The following IL17RD variants were observed in gnomAD, a reference collection of about 807,000 sequenced individuals.
IL17RD encodes interleukin-17 receptor D.
A neutral mutation model predicts 80.5 loss-of-function variants in IL17RD; 52 were observed. That is an observed-to-expected ratio of 0.65 (90% CI 0.52 to 0.81). The LOEUF is 0.81. Ranked by LOEUF, IL17RD falls within the 40% of genes least tolerant of loss-of-function variation. The probability of loss-of-function intolerance (pLI) is 0.00; values close to 1 mark genes in which losing one functional copy is unlikely to be tolerated. For missense variants in IL17RD, 1,024 were observed against 955.1 expected (o/e 1.07, Z -0.95); for synonymous variants, 416 against 391.8 (o/e 1.06, Z -0.73).
chr3:57,160,114 G>A (rs1390954360), intron 1 of IL17RD, among the ~76,000 whole-genome samples: 1 of 152,158 alleles, frequency 6.6e-6, no homozygotes, highest in Non-Finnish European at 1.5e-5. Context: ...GGAGATTGCA[G>A]TGAGCTGAGA....
chr3:57,127,220 A>G (rs1484961901), intron 1 of IL17RD, among the ~76,000 whole-genome samples: 2 of 121,336 alleles, frequency 1.6e-5, no homozygotes, highest in African/African-American at 3.8e-5. Context: ...AAATATATAT[A>G]AATATATATA....
intron 12 of IL17RD, among the ~76,000 whole-genome samples, chr3:57,096,972 T>G (rs1706692189): frequency 6.7e-6 from 1 of 149,462 alleles, no homozygotes; most frequent in Non-Finnish European, 1.5e-5. Context: ...ATCATGCCAT[T>G]GCAGCCTGGG....
intron 1 of IL17RD, among the ~76,000 whole-genome samples, chr3:57,132,014 A>G (rs1451278231): frequency 6.6e-6 from 1 of 152,108 alleles, no homozygotes; most frequent in Non-Finnish European, 1.5e-5. Context: ...GGTGAAACCC[A>G]TTCTACAAAA....
intron 5 of IL17RD, among the ~76,000 whole-genome samples, chr3:57,107,483 T>C (rs996510238): frequency 2.6e-5 from 4 of 151,082 alleles, no homozygotes; most frequent in Non-Finnish European, 5.9e-5. Context: ...TAGGCTGGAG[T>C]TGTGAACAGA....
chr3:57,097,803 G>C lies in IL17RD; in HGVS notation c.1900C>G (p.Arg634Gly). Residue 634 changes from arginine to glycine, a missense_variant, in exon 12 of 13, where the codon CGG (arginine) becomes GGG (glycine). Arg to Gly is a moderately radical substitution (Grantham distance 125). Transcript: ENST00000296318. ...GCGGCGCTACCGTCAAGGGCAGGCC[G>C]GGCCTCCCCGTCTTGGTCCAGGCCC... ...HGGLDQDGEA[R>G]PALDGSAALQ... is the part of the protein sequence containing the mutation. The C allele has an allele frequency of 6.2e-7, 1 of 1,606,100 alleles. No homozygotes were observed. Among genetic ancestry groups the C allele is most frequent in the Non-Finnish European group, 8.5e-7 (1 of 1,176,292 alleles).
chr3:57,101,905 A>C (rs1706839148), intron 10 of IL17RD, among the ~76,000 whole-genome samples: 1 of 152,158 alleles, frequency 6.6e-6, no homozygotes, highest in Non-Finnish European at 1.5e-5. Flanking sequence ...AGCCCTACCT[A>C]TATCCTTACT....
chr3:57,151,702 G>C (rs1016573433), intron 1 of IL17RD, among the ~76,000 whole-genome samples: 17 of 152,070 alleles, frequency 1.1e-4, no homozygotes, highest in African/African-American at 3.9e-4. Context: ...AAGATGTTTA[G>C]CAACATCCCT....
chr3:57,161,723 G>A (rs1342209882), intron 1 of IL17RD, among the ~76,000 whole-genome samples: 1 of 152,224 alleles, frequency 6.6e-6, no homozygotes, highest in Non-Finnish European at 1.5e-5. Context: ...AGCAAGACAA[G>A]GGGAGGGAGA....
At position 57,132,353 on chromosome 3, in the gene IL17RD, G is replaced by A. The variant is rs533668895; in HGVS notation, c.127-12040C>T. 9.9e-5 allele frequency among the ~76,000 whole-genome samples: 15 copies of A among 152,114 alleles called. No individual in the cohort carries two copies. The East Asian group carries it at 2.3e-3, about 24-fold the overall frequency. ...CACCTGCCTGTAATCCCAGCTACTC[G>A]GGAGGCTGAGGCAGGAGAATCGCTG... On this transcript the variant is annotated intron_variant, in intron 1 of 12. Coordinates refer to ENST00000296318, the MANE Select transcript of IL17RD (RefSeq NM_017563.5).
In IL17RD at chr3:57,092,686, A is replaced by G. The variant is rs1706585592; in HGVS notation, c.*3707T>C. The G allele has an allele frequency of 6.6e-6, 1 of 152,346 alleles. No homozygotes were observed. The highest frequency in any genetic ancestry group is 3.4e-3 in the Middle Eastern group (1 of 294). The allele number at this position is 152,346 out of a possible 1,614,324, so 9.4% of individuals were successfully genotyped here. A position where few individuals can be genotyped will look rare whatever the true frequency, so the allele number is the denominator to read the frequency against. ...AACTGGCTTGCCTTTCTTTTAAGAC[A>G]CTGTGAAATGTAAAGACGCAATCAA... On this transcript the variant is annotated 3_prime_UTR_variant, in exon 13 of 13. Coordinates refer to ENST00000296318, the MANE Select transcript of IL17RD (RefSeq NM_017563.5).
upstream of IL17RD, among the ~76,000 whole-genome samples, chr3:57,168,522 C>G (rs1161341624): frequency 6.6e-6 from 1 of 152,132 alleles, no homozygotes; most frequent in Non-Finnish European, 1.5e-5. Context: ...GGGAGGCCCT[C>G]CTATTTCCTT....
At chr3:57,148,169 A>G (rs1411044186) in intron 1 of IL17RD, among the ~76,000 whole-genome samples, 2 of 150,924 alleles carry the variant, frequency 1.3e-5, no homozygotes, top group African/African-American at 4.9e-5. Context: ...CTCTACTAAT[A>G]CAAAAATTAG....
chr3:57,132,225 C>G (rs949816491), intron 1 of IL17RD, among the ~76,000 whole-genome samples: 1 of 151,846 alleles, frequency 6.6e-6, no homozygotes, highest in Non-Finnish European at 1.5e-5. Context: ...GTAATCCCAG[C>G]ATTTTGGGAG....
chr3:57,109,756 A>C, intron 4 of IL17RD, 99 bp from the exon 5 acceptor site: 1 of 1,165,242 alleles, frequency 8.6e-7, no homozygotes, highest in Non-Finnish European at 1.2e-6. Flanking sequence ...CCCAGACACA[A>C]CTCCAGAGCT....
chr3:57,112,354 T>C (rs1707118284), intron 3 of IL17RD, among the ~76,000 whole-genome samples: 1 of 152,220 alleles, frequency 6.6e-6, no homozygotes, highest in South Asian at 2.1e-4. Flanking sequence ...AGAGGTGAGA[T>C]TCGAACCCAG....
chr3:57,107,845 T>C (rs1198711710), intron 5 of IL17RD, among the ~76,000 whole-genome samples: 1 of 152,116 alleles, frequency 6.6e-6, no homozygotes, highest in Non-Finnish European at 1.5e-5. Flanking sequence ...CTAAATTCTT[T>C]GTAGGGTTGT....
chr3:57,145,056 C>T (rs1707899309), intron 1 of IL17RD, among the ~76,000 whole-genome samples: 1 of 152,208 alleles, frequency 6.6e-6, no homozygotes, highest in Admixed American at 6.5e-5. Flanking sequence ...AACTGTCAAA[C>T]AAACTATTTC....
At position 57,114,798 on chromosome 3, in the gene IL17RD, A is replaced by T; in HGVS notation, c.204T>A (p.Asn68Lys). The T allele has an allele frequency of 6.2e-7, 1 of 1,608,280 alleles. No individual in the cohort carries two copies. The highest frequency in any genetic ancestry group is 8.5e-7 in the Non-Finnish European group (1 of 1,177,650). Residue 68 changes from asparagine (N) to lysine (K), a missense_variant, in exon 3 of 13, where the codon AAT becomes AAA. Coordinates refer to ENST00000296318, the MANE Select transcript of IL17RD (RefSeq NM_017563.5). ...FKYDNCTTYL[N>K]PVGKHVIADA... ...CAGCAATCACATGCTTCCCCACTGG[A>T]TTCAAGTAGGTGGTACAATCTAGAG... is the stretch of plus-strand genomic sequence containing the variant.
rs1377617232 is a variant in IL17RD, at chr3:57,095,594, A to G, written c.*799T>C. The G allele has an allele frequency of 6.6e-6, 1 of 152,258 alleles. No homozygotes were observed. Among genetic ancestry groups the G allele is most frequent in the Non-Finnish European group, 1.5e-5 (1 of 68,084 alleles). 9.4% of individuals were successfully genotyped at this position (152,258 alleles called of 1,614,324 possible). On this transcript the variant is annotated 3_prime_UTR_variant, in exon 13 of 13. Coordinates refer to ENST00000296318, the MANE Select transcript of IL17RD (RefSeq NM_017563.5). ...AAACTTCCAGACACCAACATCTGAG[A>G]TACAGCACAGTAAATGTAACCCATG...
Sources: gnomAD v4.1 joint callset for allele counts (sites outside exome capture counted in the v4.1 genomes callset) on GRCh38, gnomAD v4.1.1 for gene constraint, MANE v1.5 for transcripts, NCBI Gene and HGNC (gene_info 2026-07-23, HGNC 2026-07-21) for gene names.